The following MTUS2 variants were observed in gnomAD, a reference collection of about 807,000 sequenced individuals.
MTUS2 encodes microtubule associated scaffold protein 2, also known as microtubule-associated tumor suppressor candidate 2.
A neutral mutation model predicts 114.1 loss-of-function variants in MTUS2; 40 were observed. The ratio of observed to expected loss-of-function variants is 0.35; its 90% CI spans 0.27 to 0.46. MTUS2 has a LOEUF of 0.46. MTUS2 is among the 20% of genes least tolerant of loss of function. The pLI is 1.00. For synonymous variants in MTUS2, 688 were observed against 672.0 expected, an observed-to-expected ratio of 1.02 and a Z score of -0.37; for missense variants, 1,679 against 1,705.4, an observed-to-expected ratio of 0.98 and a Z score of 0.27.
intron 2 of MTUS2, among the ~76,000 whole-genome samples, chr13:28,867,187 A>G (rs1877348087): frequency 6.6e-6 from 1 of 152,230 alleles, no homozygotes; most frequent in Non-Finnish European, 1.5e-5. Flanking sequence ...TAGCTTCTGA[A>G]GGAAGGACCT....
intron 5 of MTUS2, among the ~76,000 whole-genome samples, chr13:29,220,514 C>G (rs1895865476): frequency 6.6e-6 from 1 of 152,094 alleles, no homozygotes. Flanking sequence ...ATTAATTGGC[C>G]TAATTTCAAT....
rs60832110 is a variant in MTUS2 at position 29,183,253 on chromosome 13, T to TGAGA, written c.2644+82301_2644+82304dup. Among the ~76,000 whole-genome samples, 15 of 147,356 alleles carry TGAGA rather than the reference T, an allele frequency of 1.0e-4. No individual in the cohort carries two copies. The East Asian group carries it at 1.4e-3, about 14-fold the overall frequency. On this transcript the variant is annotated intron_variant, in intron 5 of 15. Coordinates refer to ENST00000612955, the MANE Select transcript of MTUS2 (RefSeq NM_001033602.4). ...ATGTCCTGATGATTGGATGTTGGGGTGAGAGAGAGAGAGAGAGAGAGTCAA... is the reference window on the plus strand; with the variant it reads ...ATGTCCTGATGATTGGATGTTGGGGTGAGAGAGAGAGAGAGAGAGAGAGAGTCAA...
At chr13:29,270,393 A>G (rs560609377) in intron 5 of MTUS2, among the ~76,000 whole-genome samples, 17 of 152,296 alleles carry the variant, frequency 1.1e-4, no homozygotes, top group African/African-American at 4.1e-4. Flanking sequence ...CATGCCTGTC[A>G]CAAAACATGA....
At chr13:29,007,725 TG>T (rs2138409093) in intron 2 of MTUS2, among the ~76,000 whole-genome samples, 1 of 152,310 alleles carries the variant, frequency 6.6e-6, no homozygotes, top group African/African-American at 2.4e-5. Flanking sequence ...TTTTCTTCCT[TG>T]GGGTTTTCTT....
intron 4 of MTUS2, among the ~76,000 whole-genome samples, chr13:29,073,554 TG>T (rs1889043012): frequency 6.6e-6 from 1 of 151,894 alleles, no homozygotes; most frequent in African/African-American, 2.4e-5. Context: ...TGTTTGGGGG[TG>T]GGGGGTTACC....
intron 5 of MTUS2, among the ~76,000 whole-genome samples, chr13:29,229,541 C>T (rs1593194779): frequency 6.6e-6 from 1 of 152,178 alleles, no homozygotes; most frequent in Non-Finnish European, 1.5e-5. Context: ...AGTATGAATC[C>T]TGTAGTTAAA....
At chr13:29,158,358 CTTTTTTTTT>C (rs372666382) in intron 5 of MTUS2, among the ~76,000 whole-genome samples, 17 of 32,056 alleles carry the variant, frequency 5.3e-4, no homozygotes, top group Non-Finnish European at 7.6e-4. Flanking sequence ...GTCCACCCCG[CTTTTTTTTT>C]TTTTTTTTTT....
At chr13:29,118,525 A>G (rs1365976207) in intron 5 of MTUS2, among the ~76,000 whole-genome samples, 1 of 152,174 alleles carries the variant, frequency 6.6e-6, no homozygotes, top group African/African-American at 2.4e-5. Context: ...TTGGCAGCCA[A>G]CTAGACTCTC....
In MTUS2 at chr13:29,337,327, A is replaced by C. The variant is rs552368740; in HGVS notation, c.2905+12616A>C. 1.1e-4 allele frequency among the ~76,000 whole-genome samples: 17 copies of C among 152,292 alleles called. No homozygotes were observed. The South Asian group carries it at 3.5e-3, about 32-fold the overall frequency. On this transcript the variant is annotated intron_variant, in intron 7 of 15. Transcript: ENST00000612955. ...CTGTGGGTTGTGAAGACCATGGGAA[A>C]AGCGCAGTTTCTGGCCCAAATGCAC...
At chr13:29,339,184 A>C (rs1259792879) in intron 7 of MTUS2, among the ~76,000 whole-genome samples, 2 of 152,132 alleles carry the variant, frequency 1.3e-5, no homozygotes, top group East Asian at 1.9e-4. Flanking sequence ...AGAGCTCCCA[A>C]GGTGGCTCTT....
intron 2 of MTUS2, among the ~76,000 whole-genome samples, chr13:28,899,860 C>T (rs972193465): frequency 6.6e-6 from 1 of 152,014 alleles, no homozygotes; most frequent in Non-Finnish European, 1.5e-5. Context: ...GTTCTTTGCT[C>T]AATTAAACTT....
At chr13:29,409,486 T>C (rs1875051288) in intron 8 of MTUS2, among the ~76,000 whole-genome samples, 2 of 152,232 alleles carry the variant, frequency 1.3e-5, no homozygotes, top group Non-Finnish European at 2.9e-5. Context: ...AAAAACAAGT[T>C]AGATTCATTG....
At chr13:29,498,278 G>T (rs766089094) in intron 13 of MTUS2, 140 bp from the exon 14 acceptor site, 1 of 1,215,666 alleles carries the variant, frequency 8.2e-7, no homozygotes, top group African/African-American at 1.5e-5. Flanking sequence ...AAGGCTGTGA[G>T]CATCCTCTCT....
rs138808094 is a variant in MTUS2, at chr13:29,218,605, A to G, written c.2645-63099A>G. On this transcript the variant is annotated intron_variant, in intron 5 of 15. Transcript: ENST00000612955. ...TTAAGTAATAAGGCTTGAAAGTCATAATTACTTCCTTGATTCAGGGGCCAC... is the reference window on the plus strand; with the variant it reads ...TTAAGTAATAAGGCTTGAAAGTCATGATTACTTCCTTGATTCAGGGGCCAC... Among the ~76,000 whole-genome samples, 213 of 152,322 alleles carry G rather than the reference A, an allele frequency of 1.4e-3. 1 individual carries two copies. Among genetic ancestry groups the G allele is most frequent in the African/African-American group, 4.8e-3 (198 of 41,560 alleles).
In MTUS2 at chr13:29,471,742, G is replaced by GCCC. The variant is rs559849711; in HGVS notation, c.3185-8402_3185-8400dup. 2.4e-3 allele frequency among the ~76,000 whole-genome samples: 321 copies of GCCC among 131,634 alleles called. 6 individuals are homozygous for GCCC. The highest frequency in any genetic ancestry group is 8.4e-3 in the African/African-American group (268 of 31,956). The allele number at this position is 131,634 out of a possible 152,430, so 86.4% of individuals were successfully genotyped here. On this transcript the variant is annotated intron_variant, in intron 9 of 15. Coordinates refer to ENST00000612955, the MANE Select transcript of MTUS2 (RefSeq NM_001033602.4). ...CTCCAGCCTCTGCTCTGCAGGCCCAGCCCCCCCCGACACATTGATCTTAGG... is the reference window on the plus strand; with the variant it reads ...CTCCAGCCTCTGCTCTGCAGGCCCAGCCCCCCCCCCCGACACATTGATCTTAGG...
intron 7 of MTUS2, among the ~76,000 whole-genome samples, chr13:29,350,151 T>C (rs772982966): frequency 6.6e-6 from 1 of 152,072 alleles, no homozygotes; most frequent in Non-Finnish European, 1.5e-5. Flanking sequence ...AAATAACATT[T>C]ATTTACTAAC....
chr13:29,124,109 C>A (rs1346903760), intron 5 of MTUS2, among the ~76,000 whole-genome samples: 1 of 152,192 alleles, frequency 6.6e-6, no homozygotes, highest in African/African-American at 2.4e-5. Context: ...CCCGAAGCCT[C>A]ATTATTCCAT....
At position 28,962,199 on chromosome 13, in the gene MTUS2, G is replaced by A. The variant is rs77482713; in HGVS notation, c.-242-62258G>A. Among the ~76,000 whole-genome samples, 538 of 151,934 alleles carry A rather than the reference G, an allele frequency of 3.5e-3. 2 individuals are homozygous for A. The highest frequency in any genetic ancestry group is 0.012 in the African/African-American group (517 of 41,460). ...TACTAGCTTACATGATGGGAAAAGC[G>A]TGTATGTGTATATATATGATTCTTA... is the stretch of plus-strand genomic sequence containing the variant. On this transcript the variant is annotated intron_variant, in intron 2 of 15. Transcript: ENST00000612955.
At chr13:29,156,955 T>G (rs781722221) in intron 5 of MTUS2, among the ~76,000 whole-genome samples, 1 of 152,170 alleles carries the variant, frequency 6.6e-6, no homozygotes, top group South Asian at 2.1e-4. Context: ...GAATAATATA[T>G]AGTATTGTCT....
Sources: allele counts gnomAD v4.1 joint callset (sites outside exome capture counted in the v4.1 genomes callset), GRCh38; gene constraint gnomAD v4.1.1; transcripts MANE v1.5; gene names NCBI Gene and HGNC (gene_info 2026-07-23, HGNC 2026-07-21).